Variants in CCDC93 observed in about 807,000 individuals in gnomAD.
CCDC93 encodes coiled-coil domain-containing protein 93.
CCDC93 carries 61 observed loss-of-function variants against 108.2 expected under a neutral mutation model. The ratio of observed to expected loss-of-function variants is 0.56; its 90% CI spans 0.46 to 0.70. The LOEUF is 0.70. Among genes scored for constraint, CCDC93 ranks in the 30% least tolerant of loss-of-function variants. The pLI, the probability that CCDC93 is intolerant of heterozygous loss-of-function variation, is 0.00. For synonymous variants in CCDC93, 276 were observed against 260.4 expected, an observed-to-expected ratio of 1.06 and a Z score of -0.58; for missense variants, 685 against 764.2, an observed-to-expected ratio of 0.90 and a Z score of 1.22.
At chr2:117,994,055 CA>C (rs1558800408) in intron 6 of CCDC93, among the ~76,000 whole-genome samples, 1 of 152,152 alleles carries the variant, frequency 6.6e-6, no homozygotes. Flanking sequence ...TAACAGCATA[CA>C]AAAGCCCCTA....
At chr2:117,984,825 A>G (rs749464229) in intron 7 of CCDC93, among the ~76,000 whole-genome samples, 2 of 152,194 alleles carry the variant, frequency 1.3e-5, no homozygotes, top group African/African-American at 2.4e-5. Context: ...AGACTCTGTC[A>G]TGATTCCCAG....
At position 117,933,042 on chromosome 2, in the gene CCDC93, C is replaced by CTAACATA; in HGVS notation, c.1729-1893_1729-1892insTATGTTA. On this transcript the variant is annotated intron_variant, in intron 22 of 23. Transcript: ENST00000376300. ...CCACTGTGGGAGTTAGTGTGGCAAC[C>CTAACATA]TAGAAATAGTATGAGCTTGAGGCCA... is the stretch of plus-strand genomic sequence containing the variant. Among the ~76,000 whole-genome samples the CTAACATA allele has an allele frequency of 2.0e-5, 3 of 152,274 alleles. No individual in the cohort carries two copies. The South Asian group carries it at 6.2e-4, about 32-fold the overall frequency.
intron 11 of CCDC93, among the ~76,000 whole-genome samples, chr2:117,972,136 C>G (rs1293959390): frequency 6.6e-6 from 1 of 152,150 alleles, no homozygotes; most frequent in Non-Finnish European, 1.5e-5. Flanking sequence ...AGTTTCCATA[C>G]ACATCTGGTT....
chr2:117,964,376 C>T (rs1193096400), intron 11 of CCDC93, among the ~76,000 whole-genome samples: 2 of 152,146 alleles, frequency 1.3e-5, no homozygotes, highest in African/African-American at 4.8e-5. Context: ...GCTGTTGTTC[C>T]TTCCTCTCCC....
chr2:117,920,269 C>A lies in CCDC93; in HGVS notation c.*74G>T. The A allele has an allele frequency of 3.0e-6, 3 of 984,300 alleles. No individual in the cohort carries two copies. Among genetic ancestry groups the A allele is most frequent in the Non-Finnish European group, 4.7e-6 (3 of 634,802 alleles). The allele number at this position is 984,300 out of a possible 1,614,324, so 61.0% of individuals were successfully genotyped here. A position where few individuals can be genotyped will look rare whatever the true frequency, so the allele number is the denominator to read the frequency against. ...ATCTCTCTACTGTCGCTTTCAGAACCATTTCATGATCTTGTAGGTGATATA... is the reference window on the plus strand; with the variant it reads ...ATCTCTCTACTGTCGCTTTCAGAACAATTTCATGATCTTGTAGGTGATATA... On this transcript the variant is annotated 3_prime_UTR_variant, in exon 24 of 24. Coordinates refer to ENST00000376300, the MANE Select transcript of CCDC93 (RefSeq NM_019044.5).
chr2:118,008,766 G>C (rs1676943428), intron 1 of CCDC93, 108 bp from the exon 2 acceptor site: 1 of 680,774 alleles, frequency 1.5e-6, no homozygotes, highest in Admixed American at 2.5e-5. Flanking sequence ...GATGACATTG[G>C]CTACATCACC....
chr2:117,988,906 T>C (rs1029437966), intron 6 of CCDC93, among the ~76,000 whole-genome samples: 1 of 152,216 alleles, frequency 6.6e-6, no homozygotes, highest in Non-Finnish European at 1.5e-5. Flanking sequence ...CTTTGAAGTA[T>C]GGCACAAGCC....
chr2:117,944,121 T>G (rs1415001645), intron 17 of CCDC93, 35 bp from the exon 18 acceptor site: 1 of 1,484,230 alleles, frequency 6.7e-7, no homozygotes, highest in Non-Finnish European at 9.2e-7. Context: ...TATCTGGGAA[T>G]AGAAAACTTT....
At chr2:117,942,166 C>A (rs1260975125) in intron 18 of CCDC93, among the ~76,000 whole-genome samples, 1 of 152,206 alleles carries the variant, frequency 6.6e-6, no homozygotes, top group Admixed American at 6.5e-5. Context: ...AGGCTACGCT[C>A]CCCATGGGTG....
chr2:117,996,563 T>G (rs929920153), intron 4 of CCDC93: 2 of 499,620 alleles, frequency 4.0e-6, no homozygotes, highest in Non-Finnish European at 7.3e-6. Context: ...TGGGACCTAG[T>G]GCTGAGTAGC....
chr2:117,993,393 C>CAA (rs61495252), intron 6 of CCDC93, among the ~76,000 whole-genome samples: 16 of 64,348 alleles, frequency 2.5e-4, no homozygotes, highest in East Asian at 5.9e-4. Context: ...GACTCCGTCT[C>CAA]AAAAAAAAAA....
rs767338830 is a variant in CCDC93 at position 117,985,960 on chromosome 2, A to C, written c.620+9T>G. 1.3e-6 allele frequency: 2 copies of C among 1,550,534 alleles called. No homozygotes were observed. Among genetic ancestry groups the C allele is most frequent in the Non-Finnish European group, 1.8e-6 (2 of 1,123,026 alleles). ...AAAAGAGACACCTAGACTGGGTCCCACTCATTACCTGCCATATTCCAAAAG... is the reference window on the plus strand; with the variant it reads ...AAAAGAGACACCTAGACTGGGTCCCCCTCATTACCTGCCATATTCCAAAAG... On this transcript the variant is annotated intron_variant, in intron 7 of 23. Coordinates refer to ENST00000376300, the MANE Select transcript of CCDC93 (RefSeq NM_019044.5).
At position 117,931,066 on chromosome 2, in the gene CCDC93, A is replaced by G; in HGVS notation, c.1813T>C (p.Tyr605His). 6.2e-7 allele frequency: 1 copy of G among 1,613,224 alleles called. No homozygotes were observed. ...TTGAACTCTTTCACAGTCTTAAAGT[A>G]TAGCCTCTGCTTTTCTAACAGCTCC... ...YLELLEKQRL[Y>H]FKTVKEFKEE... is the part of the protein sequence containing the mutation. The change falls in exon 23 of 24, where the codon TAC (tyrosine) becomes CAC (histidine). Residue 605 changes from tyrosine to histidine, a missense_variant. Coordinates refer to ENST00000376300, the MANE Select transcript of CCDC93 (RefSeq NM_019044.5).
rs749776201 is a variant in CCDC93 at position 117,944,067 on chromosome 2, T to C, written c.1370A>G (p.Tyr457Cys). The C allele has an allele frequency of 1.2e-6, 2 of 1,605,648 alleles. No homozygotes were observed. Among genetic ancestry groups the C allele is most frequent in the Non-Finnish European group, 1.7e-6 (2 of 1,176,748 alleles). Residue 457 changes from tyrosine (Y) to cysteine (C), a missense_variant, in exon 18 of 24, where the codon TAT becomes TGT. By Grantham distance (194) the Tyr-to-Cys change is radical. Coordinates refer to ENST00000376300, the MANE Select transcript of CCDC93 (RefSeq NM_019044.5). Reference protein sequence around the residue: ...MTHDEDLDRRYNMEKEKLYKI... With the variant: ...MTHDEDLDRRCNMEKEKLYKI... ...GTAAAGTTTCTCTTTCTCCATATTA[T>C]ACCGTCTGTCTAGGTCTTCCTAAAA... is the stretch of plus-strand genomic sequence containing the variant.
intron 7 of CCDC93, chr2:117,985,434 G>T (rs1446647963): frequency 4.8e-5 from 47 of 976,878 alleles, no homozygotes; most frequent in Non-Finnish European, 5.6e-5. Context: ...GACATAAAAG[G>T]TTAATACCCA....
At chr2:117,946,501 G>A (rs1280132710) in intron 16 of CCDC93, among the ~76,000 whole-genome samples, 1 of 152,174 alleles carries the variant, frequency 6.6e-6, no homozygotes, top group Non-Finnish European at 1.5e-5. Flanking sequence ...AAAATTTAAG[G>A]AACGGGTGAG....
rs1220973239 is a variant in CCDC93, at chr2:117,975,199, C to T, written c.739G>A (p.Ala247Thr). 1 of 1,613,634 alleles carries T rather than the reference C, an allele frequency of 6.2e-7. No homozygotes were observed. Among genetic ancestry groups the T allele is most frequent in the Non-Finnish European group, 8.5e-7 (1 of 1,179,786 alleles). ...ADAHEEDELR[A>T]AEEQRIQSLM... is the part of the protein sequence containing the mutation. ...CATGGACCACACACCTCTTCAGCTG[C>T]TCGAAGCTCATCTTCCTCGTGGGCA... The change falls in exon 9 of 24, where the codon GCA becomes ACA. Residue 247 changes from alanine (A) to threonine (T), a missense_variant. Physicochemically the swap from Ala to Thr is moderately conservative, Grantham distance 58. Coordinates refer to ENST00000376300, the MANE Select transcript of CCDC93 (RefSeq NM_019044.5).
chr2:117,952,538 T>A, intron 12 of CCDC93, 103 bp from the exon 13 acceptor site: 1 of 845,062 alleles, frequency 1.2e-6, no homozygotes, highest in South Asian at 1.5e-5. Flanking sequence ...AGATTTAAAC[T>A]GAGCAAATGT....
chr2:117,995,812 C>T (rs1680629174), intron 5 of CCDC93: 1 of 245,380 alleles, frequency 4.1e-6, no homozygotes, highest in Non-Finnish European at 7.9e-6. Context: ...AACCTCTAAG[C>T]CTCAGTTTCT....
Sources: gnomAD v4.1 joint callset for allele counts (sites outside exome capture counted in the v4.1 genomes callset) on GRCh38, gnomAD v4.1.1 for gene constraint, MANE v1.5 for transcripts, NCBI Gene and HGNC (gene_info 2026-07-23, HGNC 2026-07-21) for gene names.